The following SCLT1 variants were observed in gnomAD, a reference collection of about 807,000 sequenced individuals.
SCLT1 encodes the protein sodium channel and clathrin linker 1.
In SCLT1, 78 loss-of-function variants were observed where a neutral mutation model predicts 112.8. The observed-to-expected ratio is 0.69, with a 90% CI of 0.58 to 0.83. The LOEUF is 0.83. Ranked by LOEUF, SCLT1 falls within the 40% of genes least tolerant of loss-of-function variation. The pLI is 0.00. For missense variants in SCLT1, 747 were observed against 770.4 expected (o/e 0.97, Z 0.36); for synonymous variants, 257 against 254.7 (o/e 1.01, Z -0.09).
At chr4:129,044,798 G>T (rs1213653128) in intron 2 of SCLT1, among the ~76,000 whole-genome samples, 1 of 121,752 alleles carries the variant, frequency 8.2e-6, no homozygotes, top group Non-Finnish European at 1.7e-5. Flanking sequence ...CCATGAATAA[G>T]TATGAAAAAT....
chr4:128,939,159 C>G (rs950734727), intron 17 of SCLT1, among the ~76,000 whole-genome samples: 1 of 152,180 alleles, frequency 6.6e-6, no homozygotes, highest in East Asian at 1.9e-4. Context: ...CTTACTTTTA[C>G]AAGCTTGTGT....
downstream of SCLT1, among the ~76,000 whole-genome samples, chr4:128,880,292 A>G (rs977982913): frequency 1.3e-5 from 2 of 152,146 alleles, no homozygotes; most frequent in African/African-American, 4.8e-5. Flanking sequence ...GACTGTCTAT[A>G]TTTCAATCTG....
intron 1 of SCLT1, among the ~76,000 whole-genome samples, chr4:129,089,685 A>G (rs1209907656): frequency 6.6e-6 from 1 of 152,240 alleles, no homozygotes; most frequent in East Asian, 1.9e-4. Context: ...ATGCAGCCAT[A>G]GAAAAATATA....
chr4:129,011,481 C>T (rs1481015278), intron 5 of SCLT1, among the ~76,000 whole-genome samples: 1 of 152,026 alleles, frequency 6.6e-6, no homozygotes, highest in Non-Finnish European at 1.5e-5. Context: ...TGTTTTTGTA[C>T]CAGTACCATG....
chr4:129,022,065 T>C (rs1276762954), intron 5 of SCLT1, among the ~76,000 whole-genome samples: 1 of 152,058 alleles, frequency 6.6e-6, no homozygotes, highest in Non-Finnish European at 1.5e-5. Flanking sequence ...AGGGGCCTGT[T>C]AGAAGAAAAA....
At chr4:128,982,217 G>C (rs1301136555) in intron 9 of SCLT1, among the ~76,000 whole-genome samples, 1 of 152,180 alleles carries the variant, frequency 6.6e-6, no homozygotes, top group Non-Finnish European at 1.5e-5. Context: ...TGTGGGTAGA[G>C]ATAACCAGGA....
chr4:128,910,222 C>T (rs1734985610), intron 18 of SCLT1, among the ~76,000 whole-genome samples: 1 of 152,202 alleles, frequency 6.6e-6, no homozygotes, highest in African/African-American at 2.4e-5. Flanking sequence ...ACATTCCCAC[C>T]TATACTGTAT....
At chr4:129,058,201 G>GT (rs1162291662) in intron 2 of SCLT1, among the ~76,000 whole-genome samples, 1 of 151,756 alleles carries the variant, frequency 6.6e-6, no homozygotes, top group Non-Finnish European at 1.5e-5. Context: ...TTTTGTATTG[G>GT]TTTTTTAGTG....
At chr4:128,942,317 A>G (rs72683663) in intron 17 of SCLT1, among the ~76,000 whole-genome samples, 6,071 of 152,116 alleles carry the variant, frequency 0.04, 158 homozygotes, top group African/African-American at 0.056. Context: ...TGACCTCTTC[A>G]TATTCTTACT....
intron 18 of SCLT1, among the ~76,000 whole-genome samples, chr4:128,916,700 A>C (rs1270260074): frequency 6.6e-6 from 1 of 152,222 alleles, no homozygotes; most frequent in African/African-American, 2.4e-5. Context: ...GTTTCAACAC[A>C]GTGTAAAAAC....
Position 129,015,144 on chromosome 4 carries a change from C to A in SCLT1, c.291-11268G>T, listed in dbSNP as rs563042745. Among the ~76,000 whole-genome samples the A allele has an allele frequency of 2.6e-5, 4 of 152,222 alleles. No individual in the cohort carries two copies. The East Asian group carries it at 7.7e-4, about 29-fold the overall frequency. ...AGGCTCTGTCTGCAATGGTGGTCAG[C>A]TACCAGAGGGGAGTGGACTACACTC... On this transcript the variant is annotated intron_variant, in intron 5 of 20. Coordinates refer to ENST00000281142, the MANE Select transcript of SCLT1 (RefSeq NM_144643.4).
chr4:128,914,468 G>A (rs1735329757), intron 18 of SCLT1, among the ~76,000 whole-genome samples: 1 of 152,150 alleles, frequency 6.6e-6, no homozygotes, highest in African/African-American at 2.4e-5. Context: ...AAAATAGGAA[G>A]TGATGAGAAA....
At chr4:129,052,500 T>C (rs1346755904) in intron 2 of SCLT1, among the ~76,000 whole-genome samples, 1 of 141,312 alleles carries the variant, frequency 7.1e-6, no homozygotes, top group South Asian at 2.2e-4. Context: ...AGATTTTCAA[T>C]TTTTTTTTTT....
At chr4:128,977,392 AGC>A (rs1741270930) in intron 9 of SCLT1, among the ~76,000 whole-genome samples, 1 of 152,200 alleles carries the variant, frequency 6.6e-6, no homozygotes, top group Admixed American at 6.5e-5. Context: ...CACCATACGA[AGC>A]ACTGTCTTCA....
intron 9 of SCLT1, chr4:128,970,937 G>A (rs1740635944): frequency 1.3e-5 from 2 of 152,202 alleles, no homozygotes; most frequent in East Asian, 3.8e-4. Flanking sequence ...TTTGTATTAT[G>A]TAAACACAAC....
intron 18 of SCLT1, among the ~76,000 whole-genome samples, chr4:128,935,209 A>C (rs1737089110): frequency 6.6e-6 from 1 of 151,842 alleles, no homozygotes; most frequent in Admixed American, 6.6e-5. Flanking sequence ...CTCTTTGTAG[A>C]TGCTTTGTAT....
chr4:129,009,238 G>A (rs1248153136), intron 5 of SCLT1, among the ~76,000 whole-genome samples: 1 of 152,080 alleles, frequency 6.6e-6, no homozygotes, highest in Non-Finnish European at 1.5e-5. Context: ...GATCCAAGCC[G>A]GGCGCGGTGG....
Position 129,039,092 on chromosome 4 carries a change from T to C in SCLT1, c.239A>G (p.Gln80Arg), listed in dbSNP as rs1747443670. The C allele has an allele frequency of 4.4e-6, 7 of 1,598,280 alleles. No individual in the cohort carries two copies. Among genetic ancestry groups the C allele is most frequent in the African/African-American group, 1.3e-5 (1 of 74,778 alleles). Residue 80 changes from glutamine to arginine, a missense_variant, in exon 5 of 21, where the codon CAG becomes CGG. Physicochemically the swap from Gln to Arg is conservative, Grantham distance 43 (BLOSUM62 1). Transcript: ENST00000281142. ...AAGTTGTAATTTCATCTCACCCACC[T>C]GTTTCTGAAAGAATAAAATATGGTG... Reference protein sequence around the residue: ...LNGQLKYYQKQVGEMKLQLEN... With the variant: ...LNGQLKYYQKRVGEMKLQLEN...
At position 129,003,361 on chromosome 4, in the gene SCLT1, C is replaced by T. The variant is rs150586309; in HGVS notation, c.426+380G>A. Reference sequence around the variant, plus strand: ...TGATGGGTTGATGGGTGCAGCAAACCACCATGGCATGTGATACCTATATAA... The same window carrying T: ...TGATGGGTTGATGGGTGCAGCAAACTACCATGGCATGTGATACCTATATAA... On this transcript the variant is annotated intron_variant, in intron 6 of 20. Transcript: ENST00000281142. 1.6e-3 allele frequency among the ~76,000 whole-genome samples: 245 copies of T among 150,534 alleles called. 2 individuals are homozygous for T. The highest frequency in any genetic ancestry group is 0.013 in the East Asian group (69 of 5,118).
Sources: allele counts gnomAD v4.1 joint callset (sites outside exome capture counted in the v4.1 genomes callset), GRCh38; gene constraint gnomAD v4.1.1; transcripts MANE v1.5; gene names NCBI Gene and HGNC (gene_info 2026-07-23, HGNC 2026-07-21).